Variants in AMZ1 observed in about 807,000 individuals in gnomAD.
The protein encoded by AMZ1 is archaemetzincin-1.
AMZ1 carries 39 observed loss-of-function variants against 29.9 expected under a neutral mutation model. The ratio of observed to expected loss-of-function variants is 1.30; its 90% CI spans 1.01 to 1.70. The LOEUF (loss-of-function observed/expected upper bound fraction) is 1.70. Among genes scored for constraint, AMZ1 ranks in the 40% most tolerant of loss-of-function variants. The pLI is 0.00. For synonymous variants in AMZ1, 458 were observed against 304.0 expected, an observed-to-expected ratio of 1.51 and a Z score of -5.27; for missense variants, 1,041 against 680.6, an observed-to-expected ratio of 1.53 and a Z score of -5.89.
chr7:2,760,514 G>C (rs1791506959), upstream of AMZ1: 2 of 152,308 alleles, frequency 1.3e-5, no homozygotes, highest in African/African-American at 4.8e-5. Context: ...CTTCCTTCTG[G>C]GCAGAGCCTA....
At chr7:2,702,948 G>A (rs1306068260) in intron 3 of AMZ1, 59 bp downstream of exon 3, 8 of 1,506,490 alleles carry the variant, frequency 5.3e-6, no homozygotes, top group Non-Finnish European at 7.0e-6. Flanking sequence ...GAAGGAAGAG[G>A]TGGGAGGAAG....
rs1789089864 is a variant in AMZ1, at chr7:2,715,824, C to G, written c.*2946C>G. ...GCTGCCTTCTCGAGGAAGGTCACAG[C>G]TCACGAATCTTTCTAAACTTAAGTG... On this transcript the variant is annotated 3_prime_UTR_variant, in exon 7 of 7. Coordinates refer to ENST00000683327, the MANE Select transcript of AMZ1 (RefSeq NM_001384743.1). The G allele has an allele frequency of 6.6e-6, 1 of 152,230 alleles. No individual in the cohort carries two copies. Among genetic ancestry groups the G allele is most frequent in the African/African-American group, 2.4e-5 (1 of 41,452 alleles). 9.4% of individuals were successfully genotyped at this position (152,230 alleles called of 1,614,324 possible). A position where few individuals can be genotyped will look rare whatever the true frequency, so the allele number is the denominator to read the frequency against.
intron 4 of AMZ1, among the ~76,000 whole-genome samples, chr7:2,758,079 T>C (rs1791386962): frequency 6.6e-6 from 1 of 152,188 alleles, no homozygotes; most frequent in African/African-American, 2.4e-5. Context: ...ACCAACAGGA[T>C]GAGTCAGCAG....
downstream of AMZ1, among the ~76,000 whole-genome samples, chr7:2,722,295 C>G (rs538766121): frequency 1.3e-4 from 19 of 149,034 alleles, no homozygotes; most frequent in Admixed American, 4.0e-4. Flanking sequence ...TTTTTTGAGA[C>G]AGACTCTCGC....
chr7:2,719,941 A>C (rs1789347809), downstream of AMZ1, among the ~76,000 whole-genome samples: 1 of 152,182 alleles, frequency 6.6e-6, no homozygotes, highest in Non-Finnish European at 1.5e-5. Flanking sequence ...TTGGCCTCCC[A>C]AAGTGCCAGG....
intron 2 of AMZ1, chr7:2,702,079 G>T (rs1159101261): frequency 6.6e-6 from 1 of 152,560 alleles, no homozygotes; most frequent in Non-Finnish European, 1.5e-5. Context: ...AGTCCTGGCA[G>T]CTGATTTCTC....
upstream of AMZ1, among the ~76,000 whole-genome samples, chr7:2,761,815 G>A (rs979741683): frequency 1.3e-5 from 2 of 152,218 alleles, no homozygotes; most frequent in Non-Finnish European, 2.9e-5. Context: ...AACTAATGCT[G>A]CTTTCATACC....
chr7:2,699,709 C>T (rs1048605814), intron 1 of AMZ1, among the ~76,000 whole-genome samples: 7 of 152,050 alleles, frequency 4.6e-5, no homozygotes, highest in Admixed American at 1.3e-4. Context: ...GAACCCCAGG[C>T]GATGGGGGGA....
chr7:2,756,373 T>C (rs924293290), intron 4 of AMZ1, among the ~76,000 whole-genome samples: 1 of 152,182 alleles, frequency 6.6e-6, no homozygotes, highest in Non-Finnish European at 1.5e-5. Flanking sequence ...ACATAGGATG[T>C]CAGGTATGGT....
At chr7:2,700,903 AGGT>A in intron 2 of AMZ1, 148 bp downstream of exon 2, 1 of 1,165,696 alleles carries the variant, frequency 8.6e-7, no homozygotes, top group Non-Finnish European at 1.2e-6. Flanking sequence ...GGAGGCAGGG[AGGT>A]CCTGGCTGGG....
At chr7:2,721,697 C>T (rs1411916710), downstream of AMZ1, among the ~76,000 whole-genome samples, 1 of 146,276 alleles carries the variant, frequency 6.8e-6, no homozygotes, top group East Asian at 2.0e-4. Context: ...ACCTGGGCAA[C>T]AGAGCGAGAC....
intron 4 of AMZ1, among the ~76,000 whole-genome samples, chr7:2,743,603 G>C (rs1211560369): frequency 6.6e-6 from 1 of 152,196 alleles, no homozygotes; most frequent in South Asian, 2.1e-4. Context: ...ACAGCTCCCA[G>C]CGTGAGCAAT....
intron 4 of AMZ1, chr7:2,730,574 C>G (rs1789837442): frequency 6.6e-6 from 1 of 152,520 alleles, no homozygotes; most frequent in Non-Finnish European, 1.5e-5. Flanking sequence ...GGACTAGGGG[C>G]TCTTAGGAAA....
intron 4 of AMZ1, among the ~76,000 whole-genome samples, chr7:2,727,293 G>C (rs895452645): frequency 6.6e-6 from 1 of 152,146 alleles, no homozygotes; most frequent in African/African-American, 2.4e-5. Context: ...TGTTGGCCAG[G>C]ATGGTCTCGA....
chr7:2,763,191 AACACACACACACACACAC>A (rs56384682), upstream of AMZ1: 173 of 222,706 alleles, frequency 7.8e-4, no homozygotes, highest in Middle Eastern at 4.0e-3. Context: ...AAGACACCCC[AACACACACACACACACAC>A]ACACACACAC....
upstream of AMZ1, among the ~76,000 whole-genome samples, chr7:2,684,519 G>A (rs1786996574): frequency 6.6e-6 from 1 of 152,196 alleles, no homozygotes; most frequent in African/African-American, 2.4e-5. Context: ...GGTCAAAGTT[G>A]GGGGCGGCCC....
In AMZ1 at chr7:2,715,018, CTG is replaced by C. The variant is rs769543596; in HGVS notation, c.*2143_*2144del. The C allele has an allele frequency of 8.9e-4, 135 of 152,440 alleles. No individual in the cohort carries two copies. The highest frequency in any genetic ancestry group is 3.2e-3 in the African/African-American group (134 of 41,562). 9.4% of individuals were successfully genotyped at this position (152,440 alleles called of 1,614,324 possible). A position where few individuals can be genotyped will look rare whatever the true frequency, so the allele number is the denominator to read the frequency against. On this transcript the variant is annotated 3_prime_UTR_variant, in exon 7 of 7. Transcript: ENST00000683327. ...GGCATGACAGTGACCTGGGAGGTAA[CTG>C]TGCCAGAATAAAGAGGGGAGACGAA...
chr7:2,683,604 AT>A (rs1786965053), upstream of AMZ1, among the ~76,000 whole-genome samples: 1 of 151,758 alleles, frequency 6.6e-6, no homozygotes, highest in African/African-American at 2.4e-5. Flanking sequence ...CGCCTGGCTA[AT>A]TTTTTTATAT....
chr7:2,693,445 T>A (rs952187603), intron 1 of AMZ1, among the ~76,000 whole-genome samples: 3 of 152,196 alleles, frequency 2.0e-5, no homozygotes, highest in Admixed American at 2.0e-4. Flanking sequence ...AGTGGTGCGA[T>A]CACAGCTCAC....
Sources: gnomAD v4.1 joint callset for allele counts (sites outside exome capture counted in the v4.1 genomes callset) on GRCh38, gnomAD v4.1.1 for gene constraint, MANE v1.5 for transcripts, NCBI Gene and HGNC (gene_info 2026-07-23, HGNC 2026-07-21) for gene names.